The following PFKP variants were observed in gnomAD, a reference collection of about 807,000 sequenced individuals.
PFKP encodes ATP-dependent 6-phosphofructokinase, platelet type.
In PFKP, 101 loss-of-function variants were observed where a neutral mutation model predicts 94.3. The ratio of observed to expected loss-of-function variants is 1.07; its 90% CI spans 0.91 to 1.26. The LOEUF (loss-of-function observed/expected upper bound fraction) is 1.26. Among genes scored for constraint, PFKP ranks in the 50% most tolerant of loss-of-function variants. The pLI, the probability that PFKP is intolerant of heterozygous loss-of-function variation, is 0.00. For synonymous variants in PFKP, 573 were observed against 432.6 expected (o/e 1.32, Z -4.03); for missense variants, 1,145 against 1,103.3 (o/e 1.04, Z -0.53).
intron 3 of PFKP, among the ~76,000 whole-genome samples, 167 bp downstream of exon 3, chr10:3,099,519 G>A (rs992143893): frequency 1.5e-4 from 23 of 152,350 alleles, no homozygotes; most frequent in East Asian, 5.8e-4. Context: ...AGAAATGCAT[G>A]TGTTAATCTG....
intron 1 of PFKP, among the ~76,000 whole-genome samples, chr10:3,073,825 G>T (rs373258126): frequency 0.028 from 4,160 of 150,808 alleles, 177 homozygotes; most frequent in African/African-American, 0.096. Flanking sequence ...GTGTGTGTGT[G>T]TTTTTTTTGT....
intron 15 of PFKP, 123 bp from the exon 16 acceptor site, chr10:3,119,769 T>TGGGCG: frequency 8.7e-6 from 5 of 575,772 alleles, no homozygotes; most frequent in Middle Eastern, 4.9e-4. Flanking sequence ...TCGGAGTGTT[T>TGGGCG]TCGTGATGCC....
chr10:3,130,135 C>G, intron 17 of PFKP, 152 bp downstream of exon 17: 1 of 686,768 alleles, frequency 1.5e-6, no homozygotes, highest in Non-Finnish European at 2.3e-6. Context: ...TCGCATCGCC[C>G]AGGTGCCCCT....
chr10:3,125,467 T>A (rs1285498814), intron 16 of PFKP, among the ~76,000 whole-genome samples: 1 of 152,158 alleles, frequency 6.6e-6, no homozygotes, highest in Non-Finnish European at 1.5e-5. Context: ...ATATATCCAG[T>A]CCTTGGGATC....
Position 3,134,614 on chromosome 10 carries a change from C to T in PFKP, c.2122+32C>T, listed in dbSNP as rs368596443. ...GGTCTGGGGAGGGAGGCCACAGCCT[C>T]GTGATGCAGGCCGTCCTGCCTTGGT... is the stretch of plus-strand genomic sequence containing the variant. On this transcript the variant is annotated intron_variant, in intron 20 of 21. Transcript: ENST00000381125. The T allele has an allele frequency of 4.5e-4, 621 of 1,386,092 alleles. 1 individual carries two copies. Among genetic ancestry groups the T allele is most frequent in the Middle Eastern group, 2.5e-3 (13 of 5,300 alleles). 85.9% of individuals were successfully genotyped at this position (1,386,092 alleles called of 1,614,324 possible). A position where few individuals can be genotyped will look rare whatever the true frequency, so the allele number is the denominator to read the frequency against.
chr10:3,126,212 C>T (rs1013854461), intron 16 of PFKP, among the ~76,000 whole-genome samples: 2 of 152,234 alleles, frequency 1.3e-5, no homozygotes, highest in Non-Finnish European at 2.9e-5. Flanking sequence ...AGCAGAGGAG[C>T]CATGAGGTCG....
intron 15 of PFKP, among the ~76,000 whole-genome samples, chr10:3,119,343 C>G (rs1282739992): frequency 6.6e-6 from 1 of 152,208 alleles, no homozygotes; most frequent in Non-Finnish European, 1.5e-5. Flanking sequence ...CGGTGGCTCA[C>G]GCCTGTAATC....
rs371435009 is a variant in PFKP, at chr10:3,133,318, G to A, written c.2022+4G>A. On this transcript the variant is annotated splice_donor_region_variant and intron_variant, in intron 19 of 21. Transcript: ENST00000381125. ...CGTGCTGGGTCACATGCAGCAGGTA[G>A]GCCCGAGACTGCATGAGGGGCCACA... The A allele has an allele frequency of 4.4e-6, 7 of 1,587,178 alleles. No individual in the cohort carries two copies. The highest frequency in any genetic ancestry group is 1.3e-5 in the African/African-American group (1 of 74,382).
At chr10:3,131,047 C>T (rs1838515901) in intron 17 of PFKP, among the ~76,000 whole-genome samples, 1 of 147,392 alleles carries the variant, frequency 6.8e-6, no homozygotes. Flanking sequence ...ATGGAGCTGC[C>T]CCAAACAGGT....
intron 14 of PFKP, 53 bp downstream of exon 14, chr10:3,116,899 C>A: frequency 2.2e-6 from 3 of 1,371,490 alleles, no homozygotes; most frequent in Non-Finnish European, 3.1e-6. Context: ...AAGGAAGAGC[C>A]GTGTTCTGGG....
intron 15 of PFKP, among the ~76,000 whole-genome samples, chr10:3,119,328 G>A (rs1036898143): frequency 3.3e-5 from 5 of 152,296 alleles, no homozygotes; most frequent in Middle Eastern, 3.4e-3. Context: ...AAAACTGGCC[G>A]GGCGCGGTGG....
chr10:3,112,715 A>G (rs969895295), intron 11 of PFKP, among the ~76,000 whole-genome samples: 1 of 152,134 alleles, frequency 6.6e-6, no homozygotes, highest in Admixed American at 6.5e-5. Context: ...GTACCAGTGC[A>G]TGTCACCACA....
chr10:3,131,930 T>C (rs1280202138), intron 17 of PFKP, among the ~76,000 whole-genome samples: 1 of 152,136 alleles, frequency 6.6e-6, no homozygotes, highest in Non-Finnish European at 1.5e-5. Context: ...TTAAGAAATC[T>C]GTGTATGAAT....
At chr10:3,080,531 A>T (rs1832981066) in intron 1 of PFKP, among the ~76,000 whole-genome samples, 1 of 150,818 alleles carries the variant, frequency 6.6e-6, no homozygotes. Context: ...AAAAAAAAAA[A>T]AAAAAAAAAG....
intron 10 of PFKP, among the ~76,000 whole-genome samples, chr10:3,110,365 ATTT>A (rs57980780): frequency 4.3e-5 from 4 of 92,580 alleles, no homozygotes; most frequent in African/African-American, 8.2e-5. Context: ...CGCCTGGCTA[ATTT>A]TTTTTTTTTT....
At chr10:3,133,654 C>G (rs540473323) in intron 19 of PFKP, among the ~76,000 whole-genome samples, 1 of 148,516 alleles carries the variant, frequency 6.7e-6, no homozygotes, top group African/African-American at 2.6e-5. Flanking sequence ...TGGTCTCAAA[C>G]TCCTGACCTC....
chr10:3,098,901 G>A (rs1000317729), intron 2 of PFKP, among the ~76,000 whole-genome samples: 4 of 152,170 alleles, frequency 2.6e-5, no homozygotes, highest in Admixed American at 6.5e-5. Context: ...TCCCGTGCTC[G>A]ACAGTGCTGT....
At position 3,119,849 on chromosome 10, in the gene PFKP, C is replaced by G. The variant is rs114763375; in HGVS notation, c.1531-43C>G. 7.6e-4 allele frequency: 1,225 copies of G among 1,605,778 alleles called. 9 individuals are homozygous for G. The African/African-American group carries it at 0.014, about 19-fold the overall frequency. ...CTCTCCCAGCGAGACCCTCTCCTCC[C>G]CAGCTTCCCTCTCGCCCCACAACTC... On this transcript the variant is annotated intron_variant, in intron 15 of 21. Transcript: ENST00000381125.
chr10:3,068,159 A>G (rs1049136210), intron 1 of PFKP, among the ~76,000 whole-genome samples: 5 of 152,052 alleles, frequency 3.3e-5, no homozygotes, highest in African/African-American at 4.8e-5. Flanking sequence ...CAGCGCGATC[A>G]CTTCCTAAGT....
Sources: gnomAD v4.1 joint callset for allele counts (sites outside exome capture counted in the v4.1 genomes callset) on GRCh38, gnomAD v4.1.1 for gene constraint, MANE v1.5 for transcripts, NCBI Gene and HGNC (gene_info 2026-07-23, HGNC 2026-07-21) for gene names.